ABCB5: variants seen among roughly 807,000 people sequenced by gnomAD.
ABCB5 encodes ATP-binding cassette sub-family B member 5.
A neutral mutation model predicts 144.2 loss-of-function variants in ABCB5; 155 were observed. The ratio of observed to expected loss-of-function variants is 1.08; its 90% CI spans 0.94 to 1.23. ABCB5 has a LOEUF of 1.23. Among genes scored for constraint, ABCB5 ranks in the 50% most tolerant of loss-of-function variants. ABCB5 has a pLI of 0.00. For synonymous variants in ABCB5, 610 were observed against 528.6 expected, an observed-to-expected ratio of 1.15 and a Z score of -2.11; for missense variants, 1,830 against 1,520.8, an observed-to-expected ratio of 1.20 and a Z score of -3.38.
At chr7:20,656,711 T>A (rs910053681) in intron 13 of ABCB5, among the ~76,000 whole-genome samples, 1 of 152,134 alleles carries the variant, frequency 6.6e-6, no homozygotes, top group African/African-American at 2.4e-5. Flanking sequence ...TTTATTATAA[T>A]GTTAAACATA....
intron 13 of ABCB5, among the ~76,000 whole-genome samples, chr7:20,652,428 G>A (rs552960936): frequency 6.6e-6 from 1 of 152,260 alleles, no homozygotes; most frequent in South Asian, 2.1e-4. Context: ...AAATTAGCTG[G>A]GTGTGGTGGC....
At chr7:20,632,159 T>G (rs76859629) in intron 5 of ABCB5, 46 bp downstream of exon 5, 92,103 of 1,308,918 alleles carry the variant, frequency 0.07, 4,018 homozygotes, top group South Asian at 0.15. Context: ...GAATGATGCT[T>G]TATTTAAAGC....
chr7:20,722,641 G>A (rs1309896812), intron 20 of ABCB5, among the ~76,000 whole-genome samples: 4 of 152,042 alleles, frequency 2.6e-5, no homozygotes, highest in South Asian at 2.1e-4. Flanking sequence ...CCAACATGGC[G>A]AAACCCCATC....
At chr7:20,688,054 G>A (rs1786060602) in intron 16 of ABCB5, among the ~76,000 whole-genome samples, 1 of 152,056 alleles carries the variant, frequency 6.6e-6, no homozygotes, top group African/African-American at 2.4e-5. Flanking sequence ...TTAGCTGGGC[G>A]TGATGGCACA....
chr7:20,646,272 A>T (rs1334918605), intron 9 of ABCB5, 134 bp downstream of exon 9: 2 of 856,390 alleles, frequency 2.3e-6, no homozygotes, highest in East Asian at 2.6e-5. Flanking sequence ...CCCTCAAATT[A>T]TCTGTATACA....
chr7:20,704,076 T>TTTTTTTTTTTTTTTC (rs1554286475), intron 19 of ABCB5, among the ~76,000 whole-genome samples: 5 of 43,572 alleles, frequency 1.1e-4, no homozygotes, highest in Non-Finnish European at 1.6e-4. Context: ...ATTGCCTTCC[T>TTTTTTTTTTTTTTTC]TTTTTTTTTT....
intron 14 of ABCB5, chr7:20,659,461 G>T (rs980283227): frequency 9.3e-7 from 1 of 1,079,458 alleles, no homozygotes. Flanking sequence ...AACCAGAAAC[G>T]GATACTGGCA....
rs577863394 is a variant in ABCB5, at chr7:20,651,016, T to C, written c.1333-404T>C. 9.2e-5 allele frequency among the ~76,000 whole-genome samples: 14 copies of C among 152,328 alleles called. No homozygotes were observed. The South Asian group carries it at 2.5e-3, about 27-fold the overall frequency. On this transcript the variant is annotated intron_variant, in intron 12 of 27. Coordinates refer to ENST00000404938, the MANE Select transcript of ABCB5 (RefSeq NM_001163941.2). ...GAGCAATGAATAGGAGACACTTTTG[T>C]CTTTTGCAGAGGTGTGAGATGTTGA...
At chr7:20,683,803 A>G (rs1361193976) in intron 15 of ABCB5, among the ~76,000 whole-genome samples, 1 of 152,210 alleles carries the variant, frequency 6.6e-6, no homozygotes, top group East Asian at 1.9e-4. Context: ...AGATCTGCAC[A>G]TTCTTATTTG....
chr7:20,740,401 A>G (rs1266030335), intron 24 of ABCB5, among the ~76,000 whole-genome samples: 1 of 152,168 alleles, frequency 6.6e-6, no homozygotes, highest in Non-Finnish European at 1.5e-5. Flanking sequence ...TAGAATTTTA[A>G]TAGATTTATA....
intron 20 of ABCB5, among the ~76,000 whole-genome samples, chr7:20,720,812 T>TG (rs1279063783): frequency 7.3e-5 from 11 of 151,422 alleles, no homozygotes; most frequent in African/African-American, 2.4e-4. Flanking sequence ...GGCATGGTGG[T>TG]GCGCGCCTGT....
intron 20 of ABCB5, among the ~76,000 whole-genome samples, chr7:20,713,302 C>T (rs1357375448): frequency 3.4e-5 from 5 of 148,948 alleles, no homozygotes; most frequent in Non-Finnish European, 7.4e-5. Context: ...GGCATGAACA[C>T]AGTTCACTGT....
intron 7 of ABCB5, among the ~76,000 whole-genome samples, chr7:20,644,878 G>A (rs758795634): frequency 6.6e-6 from 1 of 152,210 alleles, no homozygotes; most frequent in Non-Finnish European, 1.5e-5. Context: ...GACTCCGAGT[G>A]TTGACTTTGT....
intron 12 of ABCB5, among the ~76,000 whole-genome samples, chr7:20,650,395 C>T (rs1488275888): frequency 1.3e-5 from 2 of 152,124 alleles, no homozygotes; most frequent in Non-Finnish European, 2.9e-5. Flanking sequence ...ATGAAGTTTA[C>T]ATTCTAATAA....
At chr7:20,669,157 T>C (rs374062442) in intron 14 of ABCB5, among the ~76,000 whole-genome samples, 83 of 147,740 alleles carry the variant, frequency 5.6e-4, no homozygotes, top group African/African-American at 1.9e-3. Flanking sequence ...TGAGGGGCGC[T>C]TCTGCCCGGC....
intron 20 of ABCB5, among the ~76,000 whole-genome samples, chr7:20,721,986 A>C (rs1781883017): frequency 6.6e-6 from 1 of 152,242 alleles, no homozygotes; most frequent in Admixed American, 6.5e-5. Context: ...CATGTATGTA[A>C]AACTGGTACT....
At chr7:20,753,336 CTT>C (rs745979386) in intron 26 of ABCB5, 22 bp from the exon 27 acceptor site, 2 of 1,587,008 alleles carry the variant, frequency 1.3e-6, no homozygotes, top group South Asian at 2.3e-5. Flanking sequence ...GACTTGCTTT[CTT>C]AATTGCATGC....
rs560845370 is a variant in ABCB5, at chr7:20,751,864, G to A, written c.3430-1496G>A. Among the ~76,000 whole-genome samples the A allele has an allele frequency of 5.9e-5, 9 of 152,330 alleles. No homozygotes were observed. In the South Asian group the frequency reaches 1.2e-3, roughly 21 times the overall value. ...ATGACAGAGAAAACAGCGAAAGTCTGTATTCTTTGTAGAGCATTCACGTCA... is the reference window on the plus strand; with the variant it reads ...ATGACAGAGAAAACAGCGAAAGTCTATATTCTTTGTAGAGCATTCACGTCA... On this transcript the variant is annotated intron_variant, in intron 26 of 27. Coordinates refer to ENST00000404938, the MANE Select transcript of ABCB5 (RefSeq NM_001163941.2).
At chr7:20,737,751 T>TA (rs1562586799) in intron 23 of ABCB5, among the ~76,000 whole-genome samples, 21 of 148,504 alleles carry the variant, frequency 1.4e-4, no homozygotes, top group African/African-American at 5.2e-4. Flanking sequence ...AAAAACACAT[T>TA]TAAAAAAAAA....
Sources: gnomAD v4.1 joint callset for allele counts (sites outside exome capture counted in the v4.1 genomes callset) on GRCh38, gnomAD v4.1.1 for gene constraint, MANE v1.5 for transcripts, NCBI Gene and HGNC (gene_info 2026-07-23, HGNC 2026-07-21) for gene names.